The following MRPS25 variants were observed in gnomAD, a reference collection of about 807,000 sequenced individuals.
The protein encoded by MRPS25 is small ribosomal subunit protein mS25.
MRPS25 carries 15 observed loss-of-function variants against 17.3 expected under a neutral mutation model. That is an observed-to-expected ratio of 0.87 (90% CI 0.58 to 1.34). MRPS25 has a LOEUF of 1.34. Among genes scored for constraint, MRPS25 ranks in the 40% most tolerant of loss-of-function variants. MRPS25 has a pLI of 0.00. For synonymous variants in MRPS25, 94 were observed against 83.3 expected, an observed-to-expected ratio of 1.13 and a Z score of -0.70; for missense variants, 225 against 218.6, an observed-to-expected ratio of 1.03 and a Z score of -0.19.
chr3:15,053,650 C>T, intron 2 of MRPS25, 183 bp from the exon 3 acceptor site: 1 of 703,096 alleles, frequency 1.4e-6, no homozygotes, highest in East Asian at 2.8e-5. Flanking sequence ...CCTGAGCAAG[C>T]ATAAACTTTA....
downstream of MRPS25, chr3:15,047,834 T>C (rs2042509426): frequency 6.6e-6 from 1 of 152,252 alleles, no homozygotes. Context: ...TTTAACTCCT[T>C]TCTATAAGTT....
downstream of MRPS25, chr3:15,044,759 A>G (rs2042392212): frequency 6.6e-6 from 1 of 152,260 alleles, no homozygotes; most frequent in Non-Finnish European, 1.5e-5. Flanking sequence ...CTGGCCAGCT[A>G]CAGACGCCCC....
intron 1 of MRPS25, among the ~76,000 whole-genome samples, chr3:15,062,543 C>T (rs1395826668): frequency 5.9e-5 from 9 of 151,664 alleles, no homozygotes; most frequent in African/African-American, 9.7e-5. Context: ...CCCCTCTGCC[C>T]GGCCACCACC....
downstream of MRPS25, chr3:15,042,884 A>G (rs2042319499): frequency 6.2e-7 from 1 of 1,614,184 alleles, no homozygotes. Context: ...ATGAGCTCCA[A>G]CATAACAGAA....
intron 2 of MRPS25, among the ~76,000 whole-genome samples, chr3:15,056,558 G>A (rs555604055): frequency 6.6e-5 from 10 of 152,214 alleles, no homozygotes; most frequent in African/African-American, 9.6e-5. Flanking sequence ...TCAGAGGGAG[G>A]TGGAAGGATG....
chr3:15,045,582 C>T (rs2042419967), downstream of MRPS25: 1 of 152,608 alleles, frequency 6.6e-6, no homozygotes, highest in South Asian at 2.1e-4. Flanking sequence ...GGATCATGTC[C>T]ACGTAACCTG....
At chr3:15,059,107 A>C (rs1300514064) in intron 2 of MRPS25, among the ~76,000 whole-genome samples, 1 of 151,744 alleles carries the variant, frequency 6.6e-6, no homozygotes, top group African/African-American at 2.4e-5. Flanking sequence ...AAGGCATCAC[A>C]GCCTGGTGTG....
rs7640547 is a variant in MRPS25, at chr3:15,050,618, G to A, written c.*1823C>T. The A allele has an allele frequency of 1.0e-3, 999 of 985,426 alleles. 5 individuals carry two copies. The African/African-American group carries it at 0.016, about 16-fold the overall frequency. The allele number at this position is 985,426 out of a possible 1,614,324, so 61.0% of individuals were successfully genotyped here. A position where few individuals can be genotyped will look rare whatever the true frequency, so the allele number is the denominator to read the frequency against. ...GTGGGGAACTGAAACCAGCAGACAT[G>A]GGAGGGCTCTCTGTGGAGGAGAGCT... is the stretch of plus-strand genomic sequence containing the variant. On this transcript the variant is annotated 3_prime_UTR_variant, in exon 4 of 4. Transcript: ENST00000253686.
At chr3:15,052,722 C>T in intron 3 of MRPS25, 89 bp from the exon 4 acceptor site, 1 of 1,311,438 alleles carries the variant, frequency 7.6e-7, no homozygotes, top group Non-Finnish European at 1.1e-6. Flanking sequence ...CCCCACCATC[C>T]ACCAGGGACA....
rs573897993 is a variant in MRPS25 at position 15,056,667 on chromosome 3, AGGACATG to A, written c.241+2695_241+2701del. On this transcript the variant is annotated intron_variant, in intron 2 of 3. Coordinates refer to ENST00000253686, the MANE Select transcript of MRPS25 (RefSeq NM_022497.5). ...CAGGCCCTAGAGTCTAGGAAATGCA[AGGACATG>A]GGTTCACCTCAAGCCTCCAGAAAGG... Among the ~76,000 whole-genome samples the A allele has an allele frequency of 4.6e-5, 7 of 152,370 alleles. 1 individual carries two copies. The South Asian group carries it at 1.4e-3, about 32-fold the overall frequency.
chr3:15,055,568 T>C (rs1046380927), intron 2 of MRPS25, among the ~76,000 whole-genome samples: 1 of 151,968 alleles, frequency 6.6e-6, no homozygotes, highest in Non-Finnish European at 1.5e-5. Flanking sequence ...ACACAAAAGA[T>C]TGGAAAAGAA....
downstream of MRPS25, chr3:15,042,666 A>G (rs1367880218): frequency 1.7e-6 from 1 of 603,306 alleles, no homozygotes. Context: ...TTTTCTCATG[A>G]TAAATTTCTA....
At position 15,049,642 on chromosome 3, in the gene MRPS25, C is replaced by CTTGAT; in HGVS notation, c.*2798_*2799insATCAA. 1.9e-6 allele frequency: 1 copy of CTTGAT among 528,470 alleles called. No homozygotes were observed. 32.7% of individuals were successfully genotyped at this position (528,470 alleles called of 1,614,324 possible). On this transcript the variant is annotated 3_prime_UTR_variant, in exon 4 of 4. Transcript: ENST00000253686. ...CAAGCTTATTCTCTAAGGATACGTG[C>CTTGAT]TATCAAGGGCAAAAACAAGCTCCAA...
chr3:15,042,755 G>A (rs188277307), downstream of MRPS25: 746 of 1,338,332 alleles, frequency 5.6e-4, 1 homozygote, highest in Middle Eastern at 4.1e-3. Context: ...CAATACAGAC[G>A]GGACCCCAGG....
At chr3:15,055,619 G>C (rs1033003198) in intron 2 of MRPS25, among the ~76,000 whole-genome samples, 1 of 152,122 alleles carries the variant, frequency 6.6e-6, no homozygotes, top group Non-Finnish European at 1.5e-5. Context: ...ATTACAGTGC[G>C]TGTAGAAAAT....
At position 15,051,017 on chromosome 3, in the gene MRPS25, C is replaced by T. The variant is rs1043949743; in HGVS notation, c.*1424G>A. 49 of 983,452 alleles carry T rather than the reference C, an allele frequency of 5.0e-5. No homozygotes were observed. The highest frequency in any genetic ancestry group is 6.2e-5 in the Admixed American group (1 of 16,258). 60.9% of individuals were successfully genotyped at this position (983,452 alleles called of 1,614,324 possible). Reference sequence around the variant, plus strand: ...AAAGCTTTTAGGACTTGACCAAGGCCCCAGCAGGTAGAGGAATGAAAACTT... The same window carrying T: ...AAAGCTTTTAGGACTTGACCAAGGCTCCAGCAGGTAGAGGAATGAAAACTT... On this transcript the variant is annotated 3_prime_UTR_variant, in exon 4 of 4. Coordinates refer to ENST00000253686, the MANE Select transcript of MRPS25 (RefSeq NM_022497.5).
In MRPS25 at chr3:15,052,205, A is replaced by G; in HGVS notation, c.*236T>C. On this transcript the variant is annotated 3_prime_UTR_variant, in exon 4 of 4. Transcript: ENST00000253686. ...CTTCACTAGGACCAGATACACGCCA[A>G]GCTGCTATTAGGAAGCGTTTTATTG... 8.0e-7 allele frequency: 1 copy of G among 1,257,106 alleles called. No individual in the cohort carries two copies. Among genetic ancestry groups the G allele is most frequent in the Non-Finnish European group, 1.0e-6 (1 of 1,000,198 alleles). The allele number at this position is 1,257,106 out of a possible 1,614,324, so 77.9% of individuals were successfully genotyped here. A position where few individuals can be genotyped will look rare whatever the true frequency, so the allele number is the denominator to read the frequency against.
At chr3:15,063,279 G>T (rs576489181) in intron 1 of MRPS25, among the ~76,000 whole-genome samples, 1 of 152,170 alleles carries the variant, frequency 6.6e-6, no homozygotes, top group Non-Finnish European at 1.5e-5. Context: ...TGAGGCTTGG[G>T]GACCACTTGT....
Position 15,059,473 on chromosome 3 carries a change from T to A in MRPS25, c.137A>T (p.Lys46Met), listed in dbSNP as rs576904976. The change falls in exon 2 of 4, where the codon AAG becomes ATG. Residue 46 changes from lysine (K) to methionine (M), a missense_variant and splice_region_variant. Transcript: ENST00000253686. ...CTGAGGTATGTTGAAAAACACAAACTTCCTGCAAAAGGGAAGAAATGAAGC... is the reference window on the plus strand; with the variant it reads ...CTGAGGTATGTTGAAAAACACAAACATCCTGCAAAAGGGAAGAAATGAAGC... The part of the protein sequence containing the change: ...THGELGEGAR[K>M]FVFFNIPQIQ... The A allele has an allele frequency of 6.2e-6, 10 of 1,606,322 alleles. No individual in the cohort carries two copies. The East Asian group carries it at 1.8e-4, about 29-fold the overall frequency.
Sources: allele counts gnomAD v4.1 joint callset (sites outside exome capture counted in the v4.1 genomes callset), GRCh38; gene constraint gnomAD v4.1.1; transcripts MANE v1.5; gene names NCBI Gene and HGNC (gene_info 2026-07-23, HGNC 2026-07-21).